Variants in STON2 observed in about 807,000 individuals in gnomAD.
STON2 encodes the protein stonin 2.
In STON2, 29 loss-of-function variants were observed where a neutral mutation model predicts 65.7. That is an observed-to-expected ratio of 0.44 (90% confidence interval 0.33 to 0.60). The LOEUF (loss-of-function observed/expected upper bound fraction) is 0.60. STON2 is among the 20% of genes least tolerant of loss of function. The probability of loss-of-function intolerance (pLI) is 0.03; values close to 1 mark genes in which losing one functional copy is unlikely to be tolerated. For missense variants in STON2, 1,054 were observed against 1,118.1 expected (o/e 0.94, Z 0.82); for synonymous variants, 404 against 414.2 (o/e 0.98, Z 0.30).
intron 4 of STON2, among the ~76,000 whole-genome samples, chr14:81,357,600 C>T (rs962787101): frequency 3.9e-5 from 6 of 151,942 alleles, no homozygotes; most frequent in East Asian, 1.9e-4. Context: ...CACATGCACA[C>T]GTATGTTTAT....
At chr14:81,348,304 GAA>G (rs961287419) in intron 4 of STON2, among the ~76,000 whole-genome samples, 10 of 152,060 alleles carry the variant, frequency 6.6e-5, no homozygotes, top group Non-Finnish European at 1.2e-4. Context: ...ATCCCAATTT[GAA>G]AAGAGGAAGT....
At chr14:81,400,489 A>AC (rs1900552230), upstream of STON2, among the ~76,000 whole-genome samples, 3 of 151,340 alleles carry the variant, frequency 2.0e-5, no homozygotes, top group South Asian at 6.3e-4. Context: ...AAAAAAAAAA[A>AC]AAAAAAAACC....
chr14:81,427,195 G>A (rs945435823), exon 2 of STON2: 1 of 152,026 alleles, frequency 6.6e-6, no homozygotes, highest in Non-Finnish European at 1.5e-5. Context: ...GTACTTTTTT[G>A]CCTCGTGAGT....
chr14:81,388,185 T>C (rs1439488776), intron 3 of STON2, among the ~76,000 whole-genome samples: 1 of 151,822 alleles, frequency 6.6e-6, no homozygotes, highest in African/African-American at 2.4e-5. Flanking sequence ...CCTGACCTTG[T>C]GATCCGCCTG....
chr14:81,429,453 T>C (rs1241246933), intron 1 of STON2, among the ~76,000 whole-genome samples: 1 of 152,244 alleles, frequency 6.6e-6, no homozygotes, highest in Non-Finnish European at 1.5e-5. Flanking sequence ...AGCTCCAAAG[T>C]GCTTTCCTAT....
rs770533076 is a variant in STON2 at position 81,278,143 on chromosome 14, T to C, written c.1339A>G (p.Ile447Val). 1.9e-6 allele frequency: 3 copies of C among 1,614,116 alleles called. No homozygotes were observed. The highest frequency in any genetic ancestry group is 1.7e-6 in the Non-Finnish European group (2 of 1,180,018). ...DAVEKLKQLQ[I>V]DDPDHFGSAT... is the part of the protein sequence containing the mutation. ...CTGCCAAAGTGATCAGGGTCATCAATTTGGAGTTGTTTGAGTTTTTCAACA... is the reference window on the plus strand; with the variant it reads ...CTGCCAAAGTGATCAGGGTCATCAACTTGGAGTTGTTTGAGTTTTTCAACA... The change falls in exon 6 of 8, where the codon ATT becomes GTT. Residue 447 changes from isoleucine (I) to valine (V), a missense_variant. By Grantham distance (29) the Ile-to-Val change is conservative (BLOSUM62 3). Transcript: ENST00000614646.
At chr14:81,380,697 T>C (rs1183655888) in intron 3 of STON2, among the ~76,000 whole-genome samples, 2 of 152,130 alleles carry the variant, frequency 1.3e-5, no homozygotes, top group Non-Finnish European at 2.9e-5. Flanking sequence ...TGGAGGTCAT[T>C]ATCCTAAACA....
At chr14:81,374,176 G>A (rs115788812) in intron 3 of STON2, among the ~76,000 whole-genome samples, 6,076 of 149,574 alleles carry the variant, frequency 0.041, 420 homozygotes, top group African/African-American at 0.14. Flanking sequence ...ATGCCCGGCC[G>A]ATTTTTTTTT....
chr14:81,294,547 C>G (rs1460316407), intron 5 of STON2, among the ~76,000 whole-genome samples: 2 of 152,168 alleles, frequency 1.3e-5, no homozygotes, highest in Non-Finnish European at 2.9e-5. Context: ...AATAATAGTA[C>G]TTACCTCTTA....
chr14:81,355,221 A>G (rs1406202316), intron 4 of STON2, among the ~76,000 whole-genome samples: 1 of 152,208 alleles, frequency 6.6e-6, no homozygotes, highest in Non-Finnish European at 1.5e-5. Context: ...GCCAGAAAGC[A>G]TATTTTAAAA....
At chr14:81,275,621 C>T (rs1367036908) in intron 6 of STON2, among the ~76,000 whole-genome samples, 1 of 152,108 alleles carries the variant, frequency 6.6e-6, no homozygotes, top group East Asian at 1.9e-4. Flanking sequence ...CAGAGAGGAA[C>T]ACTTGGTTTT....
intron 1 of STON2, among the ~76,000 whole-genome samples, chr14:81,432,593 G>C (rs77411571): frequency 6.6e-6 from 1 of 152,202 alleles, no homozygotes; most frequent in African/African-American, 2.4e-5. Flanking sequence ...GGAATATGTG[G>C]ACAGGCCTGA....
At chr14:81,303,584 G>A (rs902833000) in intron 5 of STON2, among the ~76,000 whole-genome samples, 17 of 152,162 alleles carry the variant, frequency 1.1e-4, no homozygotes, top group Admixed American at 5.2e-4. Context: ...ATGAACCCCA[G>A]AGAGAGGCTC....
chr14:81,362,686 GTTAA>G lies in STON2; in HGVS notation c.571+8298_571+8301del, dbSNP rs556108472. ...AATAAGTATTTAAGGTGATAGATAC[GTTAA>G]TTGATTTAATTGTTCCACATTGTAT... is the stretch of plus-strand genomic sequence containing the variant. On this transcript the variant is annotated intron_variant, in intron 4 of 7. Coordinates refer to ENST00000614646, the MANE Select transcript of STON2 (RefSeq NM_001394390.1). Among the ~76,000 whole-genome samples, 77 of 152,178 alleles carry G rather than the reference GTTAA, an allele frequency of 5.1e-4. 1 individual carries two copies. In the South Asian group the frequency reaches 0.012, roughly 23 times the overall value.
intron 5 of STON2, among the ~76,000 whole-genome samples, chr14:81,308,814 A>G (rs1412685985): frequency 1.9e-3 from 19 of 10,118 alleles, no homozygotes; most frequent in African/African-American, 8.4e-3. Context: ...ATATATATAT[A>G]TATATATATA....
intron 5 of STON2, among the ~76,000 whole-genome samples, chr14:81,314,588 C>T (rs1398215213): frequency 1.3e-5 from 2 of 152,210 alleles, no homozygotes; most frequent in Non-Finnish European, 2.9e-5. Context: ...TCCAAAGTGA[C>T]AGTTAAGGCC....
intron 4 of STON2, among the ~76,000 whole-genome samples, chr14:81,361,013 G>T (rs1178143174): frequency 6.6e-6 from 1 of 152,094 alleles, no homozygotes; most frequent in Non-Finnish European, 1.5e-5. Context: ...TAAATGGAAA[G>T]ATATCTTGTG....
chr14:81,283,859 G>A (rs1046628529), intron 5 of STON2, among the ~76,000 whole-genome samples: 18 of 152,194 alleles, frequency 1.2e-4, no homozygotes, highest in African/African-American at 4.3e-4. Flanking sequence ...TAGAAGATCT[G>A]TGGCAACCCA....
chr14:81,325,277 T>C (rs1228705530), intron 4 of STON2, among the ~76,000 whole-genome samples: 1 of 152,192 alleles, frequency 6.6e-6, no homozygotes, highest in Non-Finnish European at 1.5e-5. Context: ...AAATGTACTA[T>C]ATAGGTTTCT....
Sources: allele counts gnomAD v4.1 joint callset (sites outside exome capture counted in the v4.1 genomes callset), GRCh38; gene constraint gnomAD v4.1.1; transcripts MANE v1.5; gene names NCBI Gene and HGNC (gene_info 2026-07-23, HGNC 2026-07-21).